DAP3: variants seen among roughly 807,000 people sequenced by gnomAD.
DAP3 encodes the protein small ribosomal subunit protein mS29.
DAP3 carries 28 observed loss-of-function variants against 51.9 expected under a neutral mutation model. The ratio of observed to expected loss-of-function variants is 0.54; its 90% CI spans 0.40 to 0.74. The LOEUF (loss-of-function observed/expected upper bound fraction) is 0.74. Among genes scored for constraint, DAP3 ranks in the 30% least tolerant of loss-of-function variants. DAP3 has a pLI of 0.00. For synonymous variants in DAP3, 170 were observed against 170.3 expected (o/e 1.00, Z 0.01); for missense variants, 458 against 483.5 (o/e 0.95, Z 0.49).
chr1:155,697,354 G>C (rs761802814), intron 1 of DAP3, among the ~76,000 whole-genome samples: 9 of 152,176 alleles, frequency 5.9e-5, no homozygotes, highest in Non-Finnish European at 1.2e-4. Context: ...AGACCGGGGG[G>C]ATTGGTAGAA....
At chr1:155,723,052 G>A (rs1162482942) in intron 4 of DAP3, among the ~76,000 whole-genome samples, 1 of 151,784 alleles carries the variant, frequency 6.6e-6, no homozygotes, top group Non-Finnish European at 1.5e-5. Context: ...TATTAGCATT[G>A]TCATACTGCC....
At chr1:155,688,976 T>A (rs1653228974), upstream of DAP3, 1 of 1,608,276 alleles carries the variant, frequency 6.2e-7, no homozygotes, top group South Asian at 1.1e-5. Context: ...TCCTCCTCCA[T>A]GGGACCGCGG....
rs1444826436 is a variant in DAP3, at chr1:155,732,160, C to T, written c.993+127C>T. On this transcript the variant is annotated intron_variant, in intron 11 of 12. Coordinates refer to ENST00000368336, the MANE Select transcript of DAP3 (RefSeq NM_004632.4). ...AAAAATCATATTCCTGTATGCCCTT[C>T]CCCTGGATTCCTAAAATATTAACTT... 4 of 651,878 alleles carry T rather than the reference C, an allele frequency of 6.1e-6. No individual in the cohort carries two copies. The South Asian group carries it at 7.2e-5, about 12-fold the overall frequency. The allele number at this position is 651,878 out of a possible 1,614,324, so 40.4% of individuals were successfully genotyped here. A position where few individuals can be genotyped will look rare whatever the true frequency, so the allele number is the denominator to read the frequency against.
intron 4 of DAP3, among the ~76,000 whole-genome samples, chr1:155,722,508 G>T (rs1658119978): frequency 6.6e-6 from 1 of 152,234 alleles, no homozygotes; most frequent in East Asian, 1.9e-4. Flanking sequence ...TTGAGCGCAG[G>T]AGTTCAAGAC....
intron 1 of DAP3, among the ~76,000 whole-genome samples, chr1:155,697,393 C>T (rs375284550): frequency 6.6e-6 from 1 of 152,078 alleles, no homozygotes; most frequent in African/African-American, 2.4e-5. Flanking sequence ...GGAACCAGCC[C>T]CCAATATTTC....
intron 2 of DAP3, among the ~76,000 whole-genome samples, chr1:155,713,062 A>C (rs171166): frequency 6.6e-6 from 1 of 152,202 alleles, no homozygotes; most frequent in South Asian, 2.1e-4. Context: ...TCTTTCAAAA[A>C]GGCTTTGCAA....
intron 1 of DAP3, 61 bp downstream of exon 1, chr1:155,689,235 C>T (rs1334542842): frequency 5.8e-6 from 4 of 687,766 alleles, no homozygotes; most frequent in African/African-American, 5.3e-5. Flanking sequence ...GACTCCGGAC[C>T]TCCAGGAGGT....
At chr1:155,699,013 C>T (rs1345914111) in intron 1 of DAP3, among the ~76,000 whole-genome samples, 1 of 152,094 alleles carries the variant, frequency 6.6e-6, no homozygotes, top group African/African-American at 2.4e-5. Context: ...CCGTAGGGTA[C>T]CTGAAGTCCG....
At chr1:155,708,079 C>G (rs866183155) in intron 1 of DAP3, among the ~76,000 whole-genome samples, 2 of 152,126 alleles carry the variant, frequency 1.3e-5, no homozygotes, top group South Asian at 2.1e-4. Flanking sequence ...CAGAGTTTCA[C>G]TCTTGTTGCC....
intron 4 of DAP3, chr1:155,721,921 A>G (rs1166429153): frequency 6.1e-6 from 3 of 491,042 alleles, no homozygotes; most frequent in Non-Finnish European, 1.1e-5. Flanking sequence ...TATGCTGCAC[A>G]AAAGCAAAAT....
upstream of DAP3, chr1:155,688,307 G>A (rs1219815911): frequency 6.4e-7 from 1 of 1,565,074 alleles, no homozygotes; most frequent in Non-Finnish European, 8.7e-7. Context: ...CCCTCGCAAA[G>A]CGAACCCAAA....
intron 4 of DAP3, among the ~76,000 whole-genome samples, chr1:155,724,228 C>T (rs999094493): frequency 6.6e-6 from 1 of 152,080 alleles, no homozygotes; most frequent in Non-Finnish European, 1.5e-5. Context: ...GGTTAGTATG[C>T]TGGAGGTATG....
At chr1:155,711,583 G>GTT (rs369251790) in intron 2 of DAP3, among the ~76,000 whole-genome samples, 69 of 144,470 alleles carry the variant, frequency 4.8e-4, no homozygotes, top group East Asian at 1.2e-3. Flanking sequence ...AGAAAGTTTT[G>GTT]TTTTTTTTTT....
intron 2 of DAP3, among the ~76,000 whole-genome samples, chr1:155,711,583 GT>G (rs369251790): frequency 2.4e-4 from 35 of 144,450 alleles, no homozygotes; most frequent in African/African-American, 2.3e-4. Context: ...AGAAAGTTTT[GT>G]TTTTTTTTTT....
At position 155,725,332 on chromosome 1, in the gene DAP3, C is replaced by T. The variant is rs372281031; in HGVS notation, c.271-50C>T. 6 of 1,529,370 alleles carry T rather than the reference C, an allele frequency of 3.9e-6. No homozygotes were observed. In the African/African-American group the frequency reaches 6.8e-5, roughly 17 times the overall value. 94.7% of individuals were successfully genotyped at this position (1,529,370 alleles called of 1,614,324 possible). ...GGCAGAGTATATATACCACCCCCCA[C>T]CCACTCCTTCCACACCCACCCACTC... is the stretch of plus-strand genomic sequence containing the variant. On this transcript the variant is annotated intron_variant, in intron 4 of 12. Coordinates refer to ENST00000368336, the MANE Select transcript of DAP3 (RefSeq NM_004632.4).
intron 3 of DAP3, among the ~76,000 whole-genome samples, chr1:155,719,679 C>G (rs1657764609): frequency 6.6e-6 from 1 of 152,010 alleles, no homozygotes; most frequent in Non-Finnish European, 1.5e-5. Flanking sequence ...TCCCGAATAG[C>G]TGGGATTACA....
chr1:155,703,571 TC>T (rs1655578193), intron 1 of DAP3, among the ~76,000 whole-genome samples: 2 of 152,210 alleles, frequency 1.3e-5, no homozygotes, highest in Non-Finnish European at 2.9e-5. Context: ...AGGGTCTTGC[TC>T]TGTCGCCCAG....
chr1:155,688,331 C>T, upstream of DAP3: 5 of 1,551,516 alleles, frequency 3.2e-6, no homozygotes, highest in East Asian at 2.4e-5. Flanking sequence ...GCGGCGGCAG[C>T]GGCGGCAGCA....
chr1:155,721,481 G>A, intron 3 of DAP3, 36 bp from the exon 4 acceptor site: 1 of 1,603,648 alleles, frequency 6.2e-7, no homozygotes, highest in South Asian at 1.1e-5. Flanking sequence ...TGGTCACTTT[G>A]TCACCATTAT....
Sources: allele counts gnomAD v4.1 joint callset (sites outside exome capture counted in the v4.1 genomes callset), GRCh38; gene constraint gnomAD v4.1.1; transcripts MANE v1.5; gene names NCBI Gene and HGNC (gene_info 2026-07-23, HGNC 2026-07-21).